The following SEMA3D variants were observed in gnomAD, a reference collection of about 807,000 sequenced individuals.
The protein encoded by SEMA3D is semaphorin-3D.
SEMA3D carries 84 observed loss-of-function variants against 100.1 expected under a neutral mutation model. The observed-to-expected ratio is 0.84, with a 90% CI of 0.70 to 1.01. SEMA3D has a LOEUF of 1.01. Among genes scored for constraint, SEMA3D ranks in the 50% least tolerant of loss-of-function variants. The pLI, the probability that SEMA3D is intolerant of heterozygous loss-of-function variation, is 0.00. For synonymous variants in SEMA3D, 312 were observed against 320.7 expected (o/e 0.97, Z 0.29); for missense variants, 875 against 934.1 (o/e 0.94, Z 0.82).
intron 4 of SEMA3D, among the ~76,000 whole-genome samples, chr7:85,093,143 A>G (rs1233163400): frequency 6.6e-6 from 1 of 152,078 alleles, no homozygotes; most frequent in Non-Finnish European, 1.5e-5. Context: ...AGAAAAAATC[A>G]GTCTTCTAAG....
the SEMA3D span, among the ~76,000 whole-genome samples, chr7:85,200,778 G>C: frequency 1.3e-5 from 2 of 152,172 alleles, no homozygotes; most frequent in African/African-American, 4.8e-5. Flanking sequence ...TCACAGGCCA[G>C]GAGGCTTGGG....
intron 12 of SEMA3D, among the ~76,000 whole-genome samples, chr7:85,030,185 A>AT (rs1790506663): frequency 8.2e-6 from 1 of 121,528 alleles, no homozygotes; most frequent in South Asian, 2.6e-4. Context: ...TAGAATCACC[A>AT]TTTTTCACCA....
intron 4 of SEMA3D, among the ~76,000 whole-genome samples, chr7:85,096,799 C>G (rs2116309747): frequency 6.6e-6 from 1 of 151,920 alleles, no homozygotes; most frequent in South Asian, 2.1e-4. Flanking sequence ...GCTATTAAAT[C>G]TCACAATTAG....
chr7:85,001,317 A>G (rs1305605226), intron 18 of SEMA3D, among the ~76,000 whole-genome samples: 7 of 152,166 alleles, frequency 4.6e-5, no homozygotes, highest in Admixed American at 1.3e-4. Context: ...CCTATTTGGT[A>G]AGCTGGATGT....
At chr7:85,066,913 C>CACAG in intron 7 of SEMA3D, among the ~76,000 whole-genome samples, 32 of 127,820 alleles carry the variant, frequency 2.5e-4, no homozygotes, top group South Asian at 9.6e-4. Flanking sequence ...CACACACACA[C>CACAG]AGAGAGAGAG....
chr7:85,142,104 T>C (rs1790068304), intron 2 of SEMA3D: 1 of 984,714 alleles, frequency 1.0e-6, no homozygotes, highest in Non-Finnish European at 1.2e-6. Flanking sequence ...CATTTTAGTT[T>C]TGATGTATTA....
chr7:85,025,143 C>T (rs1790358318), intron 12 of SEMA3D, among the ~76,000 whole-genome samples: 1 of 151,926 alleles, frequency 6.6e-6, no homozygotes, highest in Non-Finnish European at 1.5e-5. Context: ...CCTGAACATA[C>T]CATACGGGGA....
intron 2 of SEMA3D, among the ~76,000 whole-genome samples, chr7:85,137,784 C>T (rs539730003): frequency 1.3e-5 from 2 of 152,270 alleles, no homozygotes; most frequent in East Asian, 3.9e-4. Context: ...CCTCAATGTG[C>T]ACTCCCTGTT....
rs1399467534 is a variant in SEMA3D at position 85,117,762 on chromosome 7, GA to G, written c.151+3978del. On this transcript the variant is annotated intron_variant, in intron 3 of 18. Transcript: ENST00000284136. The stretch of plus-strand genomic sequence containing the variant: ...TACTTGAGCGTGGGAGACAGAGCAA[GA>G]GTATGTATGTATGTATGTATGTATG... Among the ~76,000 whole-genome samples, 7 of 136,670 alleles carry G rather than the reference GA, an allele frequency of 5.1e-5. 1 individual carries two copies. The East Asian group carries it at 1.0e-3, about 20-fold the overall frequency. The allele number at this position is 136,670 out of a possible 152,430, so 89.7% of individuals were successfully genotyped here. A position where few individuals can be genotyped will look rare whatever the true frequency, so the allele number is the denominator to read the frequency against.
chr7:85,091,679 G>A (rs893865224), intron 4 of SEMA3D, among the ~76,000 whole-genome samples: 5 of 151,920 alleles, frequency 3.3e-5, no homozygotes, highest in African/African-American at 9.7e-5. Flanking sequence ...ATGTCGTTTC[G>A]AATAATTTGT....
At position 85,077,448 on chromosome 7, in the gene SEMA3D, A is replaced by G. The variant is rs182975359; in HGVS notation, c.375+4069T>C. Among the ~76,000 whole-genome samples, 16 of 152,106 alleles carry G rather than the reference A, an allele frequency of 1.1e-4. No homozygotes were observed. The East Asian group carries it at 3.1e-3, about 29-fold the overall frequency. ...TCTACCTATACGTGTGTGTGTATAT[A>G]TATTATATATGTTTTATAAGTCTGT... On this transcript the variant is annotated intron_variant, in intron 5 of 18. Coordinates refer to ENST00000284136, the MANE Select transcript of SEMA3D (RefSeq NM_001384900.1).
intron 1 of SEMA3D, among the ~76,000 whole-genome samples, chr7:85,163,703 T>C (rs181658718): frequency 3.3e-5 from 5 of 152,282 alleles, no homozygotes; most frequent in African/African-American, 1.2e-4. Flanking sequence ...AAAGACCCAA[T>C]TCAGAAATCC....
chr7:85,245,341 A>C, the SEMA3D span, among the ~76,000 whole-genome samples: 1 of 152,320 alleles, frequency 6.6e-6, no homozygotes, highest in Non-Finnish European at 1.5e-5. Context: ...AATAAGAAAA[A>C]TTCTTTACAG....
At chr7:85,151,779 T>C (rs975165193) in intron 2 of SEMA3D, 6 of 839,806 alleles carry the variant, frequency 7.1e-6, no homozygotes, top group African/African-American at 3.7e-5. Context: ...TAAACTATTA[T>C]ATTAGAAGAA....
the SEMA3D span, among the ~76,000 whole-genome samples, chr7:85,210,148 G>A: frequency 6.6e-6 from 1 of 152,030 alleles, no homozygotes; most frequent in East Asian, 1.9e-4. Context: ...ATAGACCACA[G>A]CCTCTCTCAG....
At chr7:85,138,649 T>A (rs1789938029) in intron 2 of SEMA3D, among the ~76,000 whole-genome samples, 1 of 92,480 alleles carries the variant, frequency 1.1e-5, no homozygotes. Context: ...TATATATATT[T>A]AATTTAATAT....
At chr7:85,144,556 C>A in intron 2 of SEMA3D, 1 of 985,052 alleles carries the variant, frequency 1.0e-6, no homozygotes, top group Non-Finnish European at 1.2e-6. Context: ...GAACACAATT[C>A]TCACAACCAT....
the SEMA3D span, among the ~76,000 whole-genome samples, chr7:85,220,593 T>G: frequency 1.3e-5 from 2 of 152,064 alleles, no homozygotes; most frequent in Non-Finnish European, 2.9e-5. Flanking sequence ...ATTAAACTTC[T>G]CTGGATTTAG....
At chr7:85,205,845 A>G in the SEMA3D span, among the ~76,000 whole-genome samples, 1 of 152,148 alleles carries the variant, frequency 6.6e-6, no homozygotes, top group Non-Finnish European at 1.5e-5. Flanking sequence ...CATAAGGCCC[A>G]GCAGTGTTTC....
Sources: allele counts gnomAD v4.1 joint callset (sites outside exome capture counted in the v4.1 genomes callset), GRCh38; gene constraint gnomAD v4.1.1; transcripts MANE v1.5; gene names NCBI Gene and HGNC (gene_info 2026-07-23, HGNC 2026-07-21).